SERPINB2: variants seen among roughly 807,000 people sequenced by gnomAD.
SERPINB2 encodes the protein plasminogen activator inhibitor 2.
Under a neutral mutation model 39.4 loss-of-function variants are expected in SERPINB2, and 28 were observed. The ratio of observed to expected loss-of-function variants is 0.71; its 90% confidence interval spans 0.53 to 0.97. The LOEUF is 0.97. Among genes scored for constraint, SERPINB2 ranks in the 50% least tolerant of loss-of-function variants. The pLI, the probability that SERPINB2 is intolerant of heterozygous loss-of-function variation, is 0.00. For missense variants in SERPINB2, 557 were observed against 505.3 expected, an observed-to-expected ratio of 1.10 and a Z score of -0.98; for synonymous variants, 209 against 175.1, an observed-to-expected ratio of 1.19 and a Z score of -1.53.
At chr18:63,897,252 C>T (rs1423400959) in intron 4 of SERPINB2, 33 bp downstream of exon 4, 3 of 1,598,064 alleles carry the variant, frequency 1.9e-6, no homozygotes, top group East Asian at 2.2e-5. Context: ...ATGGCTGGAT[C>T]CCAAACAAGT....
chr18:63,896,585 A>G lies in SERPINB2; in HGVS notation c.289-506A>G, dbSNP rs147750161. On this transcript the variant is annotated intron_variant, in intron 3 of 7. Coordinates refer to ENST00000299502, the MANE Select transcript of SERPINB2 (RefSeq NM_002575.3). ...AATGATTACAGTCAAATTAATGAGC[A>G]CATCCATCACTACAATTACCCACCA... 1.8e-3 allele frequency among the ~76,000 whole-genome samples: 275 copies of G among 152,360 alleles called. 1 individual carries two copies. Among genetic ancestry groups the G allele is most frequent in the African/African-American group, 5.8e-3 (242 of 41,582 alleles).
At chr18:63,887,882 G>C (rs1470082057) in intron 1 of SERPINB2, 112 bp downstream of exon 1, 3 of 152,188 alleles carry the variant, frequency 2.0e-5, no homozygotes, top group Admixed American at 2.0e-4. Context: ...TTTGTAGAGG[G>C]CGAGTAAAAT....
chr18:63,892,632 T>C (rs1215920141), intron 2 of SERPINB2: 1 of 152,184 alleles, frequency 6.6e-6, no homozygotes, highest in Non-Finnish European at 1.5e-5. Context: ...TGAGTGTAAA[T>C]ACATTCTTTC....
chr18:63,890,739 A>G (rs987257064), intron 1 of SERPINB2: 4 of 152,178 alleles, frequency 2.6e-5, no homozygotes, highest in African/African-American at 9.7e-5. Context: ...ACCCCAGTAT[A>G]GGAAGTCTTT....
At chr18:63,897,319 T>C (rs2049966305) in intron 4 of SERPINB2, 100 bp downstream of exon 4, 2 of 1,427,848 alleles carry the variant, frequency 1.4e-6, no homozygotes, top group Non-Finnish European at 1.9e-6. Context: ...AAAGCAGAGT[T>C]GGAATTCCAC....
At chr18:63,897,057 G>GTT (rs1568236686) in intron 3 of SERPINB2, 34 bp from the exon 4 acceptor site, 1 of 1,600,692 alleles carries the variant, frequency 6.2e-7, no homozygotes, top group Non-Finnish European at 8.5e-7. Context: ...GTAGTTCTGT[G>GTT]TTATATATAA....
intron 4 of SERPINB2, 116 bp from the exon 5 acceptor site, chr18:63,897,611 C>A: frequency 1.2e-6 from 1 of 818,046 alleles, no homozygotes; most frequent in Non-Finnish European, 2.1e-6. Context: ...AGCCAACCTC[C>A]ACTCCCACCC....
chr18:63,897,579 C>A, intron 4 of SERPINB2, 148 bp from the exon 5 acceptor site: 1 of 719,498 alleles, frequency 1.4e-6, no homozygotes, highest in Non-Finnish European at 2.5e-6. Flanking sequence ...CACTCTTTCC[C>A]CCTTCAGCAC....
chr18:63,895,946 A>G lies in SERPINB2; in HGVS notation c.288+563A>G, dbSNP rs113936212. The stretch of plus-strand genomic sequence containing the variant: ...CATCTATCTTCTCTGTCATCTGTCT[A>G]TCTTATCTATTTATCAATCAGCTAT... On this transcript the variant is annotated intron_variant, in intron 3 of 7. Coordinates refer to ENST00000299502, the MANE Select transcript of SERPINB2 (RefSeq NM_002575.3). Among the ~76,000 whole-genome samples, 1,363 of 152,160 alleles carry G rather than the reference A, an allele frequency of 9.0e-3. 15 individuals carry two copies. The highest frequency in any genetic ancestry group is 0.032 in the African/African-American group (1,309 of 41,504).
chr18:63,902,000 G>A, intron 6 of SERPINB2, 118 bp downstream of exon 6: 1 of 978,494 alleles, frequency 1.0e-6, no homozygotes, highest in African/African-American at 1.7e-5. Flanking sequence ...ATGCATGTTG[G>A]ACAGTTGATT....
intron 5 of SERPINB2, among the ~76,000 whole-genome samples, chr18:63,899,783 A>G (rs574064125): frequency 6.6e-6 from 1 of 152,314 alleles, no homozygotes; most frequent in Admixed American, 6.5e-5. Context: ...TGTTTAAGAC[A>G]TTGTTTCAAG....
chr18:63,902,782 T>C, intron 7 of SERPINB2, 119 bp from the exon 8 acceptor site: 1 of 1,205,210 alleles, frequency 8.3e-7, no homozygotes, highest in Non-Finnish European at 1.1e-6. Flanking sequence ...GTTAACTTTC[T>C]ATATCACCCA....
intron 1 of SERPINB2, among the ~76,000 whole-genome samples, chr18:63,888,348 G>A (rs1207057856): frequency 6.6e-6 from 1 of 152,142 alleles, no homozygotes; most frequent in African/African-American, 2.4e-5. Flanking sequence ...TAGTTGCAGG[G>A]TTGACTGAAG....
rs761316210 is a variant in SERPINB2, at chr18:63,891,574, A to G, written c.130A>G (p.Met44Val). ...CTCGTCCACCATGGCCATGGTCTAC[A>G]TGGGCTCCAGGGGCAGCACCGAAGA... ...SISSTMAMVYMGSRGSTEDQM... is the reference protein window; with the variant it reads ...SISSTMAMVYVGSRGSTEDQM... The change falls in exon 2 of 8, where the codon ATG (methionine) becomes GTG (valine). Residue 44 changes from methionine (M) to valine (V), a missense_variant. By Grantham distance (21) the Met-to-Val change is conservative. Transcript: ENST00000299502. 8 of 1,613,956 alleles carry G rather than the reference A, an allele frequency of 5.0e-6. No homozygotes were observed. The highest frequency in any genetic ancestry group is 3.3e-5 in the South Asian group (3 of 91,070).
Position 63,895,374 on chromosome 18 carries a change from G to A in SERPINB2, c.279G>A (p.Ala93=), listed in dbSNP as rs6096. 2,658 of 1,613,928 alleles carry A rather than the reference G, an allele frequency of 1.6e-3. 32 individuals carry two copies. The African/African-American group carries it at 0.031, about 19-fold the overall frequency. ...TCCAGAAGGGTAGTTATCCTGATGC[G>A]ATTTTGCAGGTATCTGACTTACTGG... The part of the protein sequence containing the change: ...QQIQKGSYPD[A]ILQAQAADKI... Residue 93 remains alanine (A), a synonymous_variant, in exon 3 of 8, where the codon GCG becomes GCA. Coordinates refer to ENST00000299502, the MANE Select transcript of SERPINB2 (RefSeq NM_002575.3).
chr18:63,900,934 C>T (rs943669578), intron 5 of SERPINB2, among the ~76,000 whole-genome samples: 3 of 152,042 alleles, frequency 2.0e-5, no homozygotes, highest in Admixed American at 6.6e-5. Flanking sequence ...CTGGTGGTGT[C>T]CTTTTGCATA....
intron 2 of SERPINB2, among the ~76,000 whole-genome samples, chr18:63,893,391 A>C (rs1048404252): frequency 3.9e-5 from 6 of 152,078 alleles, no homozygotes; most frequent in African/African-American, 1.4e-4. Flanking sequence ...TGTGTCTAAG[A>C]AGTGCTTTAA....
chr18:63,903,661 G>A lies in SERPINB2; in HGVS notation c.*356G>A, dbSNP rs527655174. ...TAATGTAGCTAATAAAGTTATAGAA[G>A]CAGATGATCTGTTAATTTCCTATCT... On this transcript the variant is annotated 3_prime_UTR_variant, in exon 8 of 8. Coordinates refer to ENST00000299502, the MANE Select transcript of SERPINB2 (RefSeq NM_002575.3). 6.4e-6 allele frequency: 1 copy of A among 157,370 alleles called. No individual in the cohort carries two copies. The highest frequency in any genetic ancestry group is 1.8e-4 in the East Asian group (1 of 5,414). The allele number at this position is 157,370 out of a possible 1,614,324, so 9.7% of individuals were successfully genotyped here. A position where few individuals can be genotyped will look rare whatever the true frequency, so the allele number is the denominator to read the frequency against.
intron 2 of SERPINB2, among the ~76,000 whole-genome samples, chr18:63,892,122 A>T (rs1437936307): frequency 1.3e-5 from 2 of 152,042 alleles, no homozygotes; most frequent in Admixed American, 1.3e-4. Context: ...GGAAAAAAAA[A>T]AAAACATACC....
Sources: allele counts gnomAD v4.1 joint callset (sites outside exome capture counted in the v4.1 genomes callset), GRCh38; gene constraint gnomAD v4.1.1; transcripts MANE v1.5; gene names NCBI Gene and HGNC (gene_info 2026-07-23, HGNC 2026-07-21).